The following MYH1 variants were observed in gnomAD, a reference collection of about 807,000 sequenced individuals.
The protein encoded by MYH1 is myosin-1.
Under a neutral mutation model 225.6 loss-of-function variants are expected in MYH1, and 214 were observed. The ratio of observed to expected loss-of-function variants is 0.95; its 90% CI spans 0.85 to 1.06. MYH1 has a LOEUF of 1.06. MYH1 is among the 50% of genes least tolerant of loss of function. The pLI, the probability that MYH1 is intolerant of heterozygous loss-of-function variation, is 0.00. For synonymous variants in MYH1, 774 were observed against 842.3 expected, an observed-to-expected ratio of 0.92 and a Z score of 1.40; for missense variants, 2,098 against 2,344.2, an observed-to-expected ratio of 0.89 and a Z score of 2.17.
chr17:10,505,771 A>G (rs1241256794), intron 19 of MYH1, 41 bp downstream of exon 19: 1 of 1,610,794 alleles, frequency 6.2e-7, no homozygotes, highest in South Asian at 1.1e-5. Context: ...TTAAAAAGTA[A>G]TAAAAACCTC....
At chr17:10,497,957 GA>G in intron 30 of MYH1, 40 bp from the exon 31 acceptor site, 1 of 1,551,896 alleles carries the variant, frequency 6.4e-7, no homozygotes, top group Non-Finnish European at 8.7e-7. Flanking sequence ...GCTGTCAACT[GA>G]ATTGGGTGTT....
In MYH1 at chr17:10,494,420, C is replaced by A. The variant is rs2142252721; in HGVS notation, c.5601G>T (p.Arg1867Ser). ...GCAGTTTGTCCACCAGGTCCTGGAG[C>A]CTGAGAATATTCTTGCGGTCTTCCT... ...QTEEDRKNIL[R>S]LQDLVDKLQA... is the part of the protein sequence containing the mutation. Residue 1867 changes from arginine to serine, a missense_variant, in exon 39 of 40, where the codon AGG (arginine) becomes AGT (serine). Arg to Ser is a moderately radical substitution (Grantham distance 110, BLOSUM62 -1). Coordinates refer to ENST00000226207, the MANE Select transcript of MYH1 (RefSeq NM_005963.4). 6.2e-7 allele frequency: 1 copy of A among 1,614,102 alleles called. No homozygotes were observed. Among genetic ancestry groups the A allele is most frequent in the South Asian group, 1.1e-5 (1 of 91,058 alleles).
In MYH1 at chr17:10,511,967, G is replaced by A. The variant is rs1307544425; in HGVS notation, c.1288C>T (p.Leu430=). 1.9e-6 allele frequency: 3 copies of A among 1,614,178 alleles called. No individual in the cohort carries two copies. The South Asian group carries it at 3.3e-5, about 18-fold the overall frequency. The change falls in exon 14 of 40, where the codon CTG becomes TTG. Residue 430 remains leucine, a synonymous_variant. Transcript: ENST00000226207. Reference sequence around the variant, plus strand: ...ATCTTATCGTAGACAGCTTTGGCCAGAGCACCCACTGCATTGTACACCTTC... The same window carrying A: ...ATCTTATCGTAGACAGCTTTGGCCAAAGCACCCACTGCATTGTACACCTTC... The part of the protein sequence containing the change: ...VQQVYNAVGA[L]AKAVYDKMFL...
chr17:10,499,074 A>G lies in MYH1; in HGVS notation c.3884T>C (p.Leu1295Pro). Reference sequence around the variant, plus strand: ...TGAAACTAGTGTGTCCTTTTCATCTAGCTGGCGTGAATATTCACCTGTAAA... The same window carrying G: ...TGAAACTAGTGTGTCCTTTTCATCTGGCTGGCGTGAATATTCACCTGTAAA... ...QTESGEYSRQ[L>P]DEKDTLVSQL... is the part of the protein sequence containing the mutation. The change falls in exon 29 of 40, where the codon CTA becomes CCA. Residue 1295 changes from leucine to proline, a missense_variant. Leu to Pro is a moderately conservative substitution (Grantham distance 98). Coordinates refer to ENST00000226207, the MANE Select transcript of MYH1 (RefSeq NM_005963.4). The G allele has an allele frequency of 6.2e-7, 1 of 1,613,614 alleles. No homozygotes were observed. Among genetic ancestry groups the G allele is most frequent in the African/African-American group, 1.3e-5 (1 of 75,010 alleles).
Position 10,499,081 on chromosome 17 carries a change from G to A in MYH1, c.3877C>T (p.Arg1293Cys), listed in dbSNP as rs781738527. The change falls in exon 29 of 40, where the codon CGC (arginine) becomes TGC (cysteine). Residue 1293 changes from arginine (R) to cysteine (C), a missense_variant. Arg to Cys is a radical substitution (Grantham distance 180). Transcript: ENST00000226207. ...RLQTESGEYS[R>C]QLDEKDTLVS... ...AGTGTGTCCTTTTCATCTAGCTGGC[G>A]TGAATATTCACCTGTAAAAGACCAA... The A allele has an allele frequency of 7.5e-5, 121 of 1,612,336 alleles. No homozygotes were observed. The Admixed American group carries it at 1.5e-3, about 20-fold the overall frequency.
At chr17:10,509,192 C>CA (rs970059053) in intron 15 of MYH1, among the ~76,000 whole-genome samples, 27 of 151,798 alleles carry the variant, frequency 1.8e-4, no homozygotes, top group African/African-American at 5.6e-4. Flanking sequence ...TTTAGGATGA[C>CA]AAAAAACAGT....
intron 9 of MYH1, 65 bp from the exon 10 acceptor site, chr17:10,513,030 G>T: frequency 8.9e-7 from 1 of 1,120,914 alleles, no homozygotes; most frequent in Non-Finnish European, 1.3e-6. Flanking sequence ...GTGATTTGAG[G>T]ACTTGGGATC....
At chr17:10,508,798 G>T in intron 15 of MYH1, 126 bp from the exon 16 acceptor site, 1 of 1,359,514 alleles carries the variant, frequency 7.4e-7, no homozygotes, top group Non-Finnish European at 9.8e-7. Flanking sequence ...ACGAAAACTC[G>T]TTCCTTTGGT....
rs780187747 is a variant in MYH1 at position 10,501,106 on chromosome 17, G to T, written c.3738+4C>A. On this transcript the variant is annotated splice_donor_region_variant and intron_variant, in intron 27 of 39. Transcript: ENST00000226207. ...AAATAATCAATGTGAAGTGTTGATTGTACCTTGGCTTTGGAGACAGTCTCC... is the reference window on the plus strand; with the variant it reads ...AAATAATCAATGTGAAGTGTTGATTTTACCTTGGCTTTGGAGACAGTCTCC... 3 of 1,613,394 alleles carry T rather than the reference G, an allele frequency of 1.9e-6. No individual in the cohort carries two copies. The highest frequency in any genetic ancestry group is 1.7e-5 in the Admixed American group (1 of 59,994).
Position 10,493,038 on chromosome 17 carries a change from G to A in MYH1, c.5668-470C>T, listed in dbSNP as rs564969895. The stretch of plus-strand genomic sequence containing the variant: ...AGAAGTTTGTTTCCTAAAATAGTCT[G>A]AGCTGTCTCTGATTATACTTAAATA... On this transcript the variant is annotated intron_variant, in intron 39 of 39. Transcript: ENST00000226207. 2.6e-5 allele frequency among the ~76,000 whole-genome samples: 4 copies of A among 152,216 alleles called. No individual in the cohort carries two copies. In the South Asian group the frequency reaches 8.3e-4, roughly 32 times the overall value.
At chr17:10,511,359 GAATCTCAAAGTCTTTCTTTTA>G (rs1184473923) in intron 14 of MYH1, among the ~76,000 whole-genome samples, 1 of 152,108 alleles carries the variant, frequency 6.6e-6, no homozygotes, top group African/African-American at 2.4e-5. Context: ...TCGGCAAACA[GAATCTCAAAGTCTTTCTTTTA>G]AAGACTTTGT....
rs767038400 is a variant in MYH1 at position 10,501,603 on chromosome 17, C to T, written c.3339G>A (p.Lys1113=). The part of the protein sequence containing the change: ...ALGMQLQKKI[K]ELQARIEELE... ...AAATCATTTAACGTACTTGTAACTC[C>T]TTGATTTTCTTCTGCAGCTGCATAC... The change falls in exon 26 of 40, where the codon AAG becomes AAA. Residue 1113 remains lysine, a synonymous_variant. Transcript: ENST00000226207. 1.9e-6 allele frequency: 3 copies of T among 1,614,056 alleles called. No homozygotes were observed. The highest frequency in any genetic ancestry group is 2.7e-5 in the African/African-American group (2 of 74,924).
Position 10,501,126 on chromosome 17 carries a change from G to GTT in MYH1, c.3721_3722insAA (p.Thr1241LysfsTer17). On this transcript the variant is annotated frameshift_variant, in exon 27 of 40. Transcript: ENST00000226207. LOFTEE classifies it high-confidence loss of function. ...TGATTGTACCTTGGCTTTGGAGACA[G>GTT]TCTCCATGTTACTAGCAAGGTCATC... is the stretch of plus-strand genomic sequence containing the variant. The GTT allele has an allele frequency of 6.2e-7, 1 of 1,614,014 alleles. No individual in the cohort carries two copies. The highest frequency in any genetic ancestry group is 8.5e-7 in the Non-Finnish European group (1 of 1,179,900).
rs757516272 is a variant in MYH1 at position 10,505,482 on chromosome 17, G to A, written c.2204C>T (p.Pro735Leu). Reference sequence around the variant, plus strand: ...CTTGCTATCGATGAATTGTCCTTCAGGGATAGCACTTGCATTTAACACCTT... The same window carrying A: ...CTTGCTATCGATGAATTGTCCTTCAAGGATAGCACTTGCATTTAACACCTT... ...RYKVLNASAI[P>L]EGQFIDSKKA... Residue 735 changes from proline (P) to leucine (L), a missense_variant, in exon 20 of 40, where the codon CCT becomes CTT. Transcript: ENST00000226207. The A allele has an allele frequency of 2.4e-5, 39 of 1,614,018 alleles. No homozygotes were observed. The highest frequency in any genetic ancestry group is 3.2e-5 in the Non-Finnish European group (38 of 1,179,998).
intron 28 of MYH1, among the ~76,000 whole-genome samples, 174 bp downstream of exon 28, chr17:10,500,452 G>T (rs531649134): frequency 6.6e-6 from 1 of 150,626 alleles, no homozygotes; most frequent in South Asian, 2.1e-4. Context: ...TATTTCTCTC[G>T]TATATATATG....
Position 10,497,274 on chromosome 17 carries a change from A to T in MYH1, c.4531+13T>A. ...AATCTTTTATTGTTAAAGAAAAGGT[A>T]AAATGTTCTCACGTTGCAAATTCTT... On this transcript the variant is annotated intron_variant, in intron 32 of 39. Coordinates refer to ENST00000226207, the MANE Select transcript of MYH1 (RefSeq NM_005963.4). 3 of 1,595,314 alleles carry T rather than the reference A, an allele frequency of 1.9e-6. No homozygotes were observed. Among genetic ancestry groups the T allele is most frequent in the Non-Finnish European group, 2.6e-6 (3 of 1,174,976 alleles).
In MYH1 at chr17:10,501,908, C is replaced by A; in HGVS notation, c.3115G>T (p.Glu1039Ter). The part of the protein sequence containing the change: ...IKLEQQVDDL[E>*]GSLEQEKKIR... ...TTCTTTTCTTGTTCCAAAGATCCTT[C>A]AAGCTAAAAGTTAATAATCCATGAA... The change falls in exon 25 of 40, where the codon GAA becomes TAA. Residue 1039 changes from glutamate to a stop codon, truncating the protein, a stop_gained. Transcript: ENST00000226207. LOFTEE classifies it high-confidence loss of function. 3 of 1,603,538 alleles carry A rather than the reference C, an allele frequency of 1.9e-6. No individual in the cohort carries two copies. The highest frequency in any genetic ancestry group is 2.5e-6 in the Non-Finnish European group (3 of 1,177,400).
At chr17:10,510,813 T>C (rs146723335) in intron 14 of MYH1, among the ~76,000 whole-genome samples, 3 of 152,230 alleles carry the variant, frequency 2.0e-5, no homozygotes, top group African/African-American at 2.4e-5. Context: ...GAATTTCCTG[T>C]TGGGATGATG....
At chr17:10,497,223 G>T (rs778464170) in intron 32 of MYH1, 30 bp from the exon 33 acceptor site, 1 of 1,596,274 alleles carries the variant, frequency 6.3e-7, no homozygotes, top group South Asian at 1.2e-5. Flanking sequence ...ATAGAAATTT[G>T]TTTATAGTTG....
Sources: allele counts gnomAD v4.1 joint callset (sites outside exome capture counted in the v4.1 genomes callset), GRCh38; gene constraint gnomAD v4.1.1; transcripts MANE v1.5; gene names NCBI Gene and HGNC (gene_info 2026-07-23, HGNC 2026-07-21).